The following FKTN variants were observed in gnomAD, a reference collection of about 807,000 sequenced individuals.
FKTN encodes fukutin.
FKTN carries 47 observed loss-of-function variants against 58.6 expected under a neutral mutation model. That is an observed-to-expected ratio of 0.80 (90% CI 0.63 to 1.02). The LOEUF (loss-of-function observed/expected upper bound fraction) is 1.02. FKTN is among the 50% of genes least tolerant of loss of function. The pLI, the probability that FKTN is intolerant of heterozygous loss-of-function variation, is 0.00. For missense variants in FKTN, 516 were observed against 537.3 expected, an observed-to-expected ratio of 0.96 and a Z score of 0.39; for synonymous variants, 178 against 191.9, an observed-to-expected ratio of 0.93 and a Z score of 0.60.
intron 10 of FKTN, among the ~76,000 whole-genome samples, chr9:105,620,503 T>C (rs1289373887): frequency 6.6e-6 from 1 of 152,202 alleles, no homozygotes; most frequent in Non-Finnish European, 1.5e-5. Context: ...TTAACCCATC[T>C]AGTCCTCAAA....
intron 7 of FKTN, among the ~76,000 whole-genome samples, chr9:105,614,358 CAA>C (rs1830441404): frequency 6.6e-6 from 1 of 152,068 alleles, no homozygotes; most frequent in Admixed American, 6.5e-5. Flanking sequence ...AAAGTAGATA[CAA>C]GAGAGATTTG....
At chr9:105,610,618 C>T (rs1829746809) in intron 7 of FKTN, among the ~76,000 whole-genome samples, 1 of 151,928 alleles carries the variant, frequency 6.6e-6, no homozygotes, top group African/African-American at 2.4e-5. Context: ...TAGAGGCATT[C>T]TTCTTACCCT....
chr9:105,566,404 A>C (rs2131805381), intron 1 of FKTN, among the ~76,000 whole-genome samples: 1 of 152,298 alleles, frequency 6.6e-6, no homozygotes. Flanking sequence ...GACCACTAGC[A>C]AGACTAATAA....
chr9:105,579,833 T>C (rs1421941049), intron 3 of FKTN, among the ~76,000 whole-genome samples: 1 of 151,664 alleles, frequency 6.6e-6, no homozygotes, highest in African/African-American at 2.4e-5. Flanking sequence ...GGACTTGCTT[T>C]ATGAATCTGG....
At chr9:105,566,419 G>A (rs1204257102) in intron 1 of FKTN, among the ~76,000 whole-genome samples, 2 of 151,914 alleles carry the variant, frequency 1.3e-5, no homozygotes, top group Non-Finnish European at 2.9e-5. Context: ...TAATAAAGAA[G>A]AAAAGAGAGA....
At chr9:105,571,198 A>G (rs867103823) in intron 1 of FKTN, among the ~76,000 whole-genome samples, 1 of 152,184 alleles carries the variant, frequency 6.6e-6, no homozygotes, top group African/African-American at 2.4e-5. Flanking sequence ...ATCAGTTAAA[A>G]TTAGGACATT....
intron 10 of FKTN, among the ~76,000 whole-genome samples, chr9:105,633,716 T>A (rs1212501643): frequency 6.6e-6 from 1 of 152,218 alleles, no homozygotes; most frequent in Non-Finnish European, 1.5e-5. Context: ...AGTTGTTGCT[T>A]TCTTTAGAAT....
At chr9:105,592,444 C>T (rs1417701471) in intron 3 of FKTN, among the ~76,000 whole-genome samples, 1 of 152,058 alleles carries the variant, frequency 6.6e-6, no homozygotes, top group Non-Finnish European at 1.5e-5. Context: ...CGAGATCAGC[C>T]TGGCCAATAT....
rs77432901 is a variant in FKTN, at chr9:105,572,121, C to T, written c.-180-1534C>T. On this transcript the variant is annotated intron_variant, in intron 1 of 10. Coordinates refer to ENST00000357998, the MANE Select transcript of FKTN (RefSeq NM_001079802.2). ...ATTGTTTTCACAGTTTTGGGAGATA[C>T]AAAATAATTATGATTTATTAGGTTA... 5.6e-3 allele frequency among the ~76,000 whole-genome samples: 846 copies of T among 151,920 alleles called. 10 individuals are homozygous for T. The highest frequency in any genetic ancestry group is 0.02 in the African/African-American group (820 of 41,406).
intron 7 of FKTN, among the ~76,000 whole-genome samples, chr9:105,610,021 T>C (rs188016879): frequency 6.6e-6 from 1 of 152,306 alleles, no homozygotes; most frequent in African/African-American, 2.4e-5. Flanking sequence ...TGGGTTATAG[T>C]CAATTATTTT....
intron 3 of FKTN, among the ~76,000 whole-genome samples, chr9:105,591,688 G>A (rs1844902644): frequency 6.6e-6 from 1 of 152,104 alleles, no homozygotes; most frequent in African/African-American, 2.4e-5. Context: ...GGAGGACTGT[G>A]GCCCTCTTCT....
intron 8 of FKTN, 31 bp downstream of exon 8, chr9:105,615,438 T>C (rs1325832061): frequency 1.2e-6 from 2 of 1,611,838 alleles, no homozygotes; most frequent in Non-Finnish European, 1.7e-6. Flanking sequence ...CATTTGTCTT[T>C]CTGTCATTTT....
At chr9:105,627,278 ACT>A (rs1832864210) in intron 10 of FKTN, among the ~76,000 whole-genome samples, 1 of 151,380 alleles carries the variant, frequency 6.6e-6, no homozygotes, top group African/African-American at 2.4e-5. Flanking sequence ...GCCCTTCTTT[ACT>A]CTCTTAATAG....
At chr9:105,584,953 A>G (rs1350343260) in intron 3 of FKTN, among the ~76,000 whole-genome samples, 2 of 152,170 alleles carry the variant, frequency 1.3e-5, no homozygotes, top group East Asian at 3.8e-4. Context: ...TTTGTAGAGT[A>G]TTTTGCCAAG....
chr9:105,597,570 T>C lies in FKTN; in HGVS notation c.165+913T>C, dbSNP rs565528849. On this transcript the variant is annotated intron_variant, in intron 4 of 10. Coordinates refer to ENST00000357998, the MANE Select transcript of FKTN (RefSeq NM_001079802.2). ...AAGTTATACTACCCAGTCACAGTTA[T>C]AAAGATTTTAGATTAAATTAAAAAG... Among the ~76,000 whole-genome samples, 319 of 152,254 alleles carry C rather than the reference T, an allele frequency of 2.1e-3. 1 individual carries two copies. The highest frequency in any genetic ancestry group is 7.4e-3 in the African/African-American group (307 of 41,572).
rs1834103439 is a variant in FKTN, at chr9:105,637,209, A to C, written c.*1945A>C. 1.0e-6 allele frequency: 1 copy of C among 983,252 alleles called. No individual in the cohort carries two copies. The highest frequency in any genetic ancestry group is 1.2e-6 in the Non-Finnish European group (1 of 827,952). The allele number at this position is 983,252 out of a possible 1,614,324, so 60.9% of individuals were successfully genotyped here. A position where few individuals can be genotyped will look rare whatever the true frequency, so the allele number is the denominator to read the frequency against. ...GTGCTCAGTATTTAGAAATGCATACACTCCACATTTCTCCCCATTTCCAAT... is the reference window on the plus strand; with the variant it reads ...GTGCTCAGTATTTAGAAATGCATACCCTCCACATTTCTCCCCATTTCCAAT... On this transcript the variant is annotated 3_prime_UTR_variant, in exon 11 of 11. Transcript: ENST00000357998.
intron 3 of FKTN, among the ~76,000 whole-genome samples, chr9:105,585,298 G>A (rs1188276596): frequency 1.3e-5 from 2 of 152,008 alleles, no homozygotes; most frequent in Admixed American, 6.6e-5. Flanking sequence ...GGTGGTGCAC[G>A]CCTGTAGTCC....
intron 3 of FKTN, among the ~76,000 whole-genome samples, chr9:105,579,110 A>G (rs1842356167): frequency 6.6e-6 from 1 of 151,998 alleles, no homozygotes; most frequent in Non-Finnish European, 1.5e-5. Context: ...CCTTTTCAAA[A>G]AACCAGCTCC....
chr9:105,573,029 G>A (rs1370979352), intron 1 of FKTN, among the ~76,000 whole-genome samples: 1 of 152,076 alleles, frequency 6.6e-6, no homozygotes, highest in Admixed American at 6.5e-5. Flanking sequence ...GAGGTGAGGA[G>A]TTCGTGACCA....
Sources: allele counts gnomAD v4.1 joint callset (sites outside exome capture counted in the v4.1 genomes callset), GRCh38; gene constraint gnomAD v4.1.1; transcripts MANE v1.5; gene names NCBI Gene and HGNC (gene_info 2026-07-23, HGNC 2026-07-21).